Variants in LOC400499 observed in about 807,000 individuals in gnomAD.
At chr16:11,488,221 T>C in the LOC400499 span, among the ~76,000 whole-genome samples, 7 of 152,070 alleles carry the variant, frequency 4.6e-5, no homozygotes, top group Non-Finnish European at 5.9e-5. Context: ...TTTCTATTAA[T>C]GGTAGTGATA....
At chr16:11,431,955 C>G in the LOC400499 span, among the ~76,000 whole-genome samples, 1 of 152,202 alleles carries the variant, frequency 6.6e-6, no homozygotes, top group African/African-American at 2.4e-5. Context: ...GCAACTTTCA[C>G]CTTCTCACAT....
the LOC400499 span, among the ~76,000 whole-genome samples, chr16:11,426,305 G>C: frequency 6.6e-6 from 1 of 152,070 alleles, no homozygotes; most frequent in Non-Finnish European, 1.5e-5. Context: ...GTGTGGTGGC[G>C]CATGCCTGTC....
At chr16:11,440,934 C>G in the LOC400499 span, 1 of 399,126 alleles carries the variant, frequency 2.5e-6, no homozygotes. Context: ...TCTGGGGACC[C>G]ATACCTGGTA....
At chr16:11,411,271 G>C in the LOC400499 span, 1,075 of 399,328 alleles carry the variant, frequency 2.7e-3, 3 homozygotes, top group Admixed American at 2.2e-3. Flanking sequence ...GGCTGAGCTG[G>C]GGCAGAGACC....
the LOC400499 span, chr16:11,460,016 G>C: frequency 6.0e-6 from 9 of 1,488,994 alleles, no homozygotes; most frequent in East Asian, 2.5e-5. Flanking sequence ...CCAGCTGTGA[G>C]TGCAGGTGGC....
At chr16:11,526,258 C>G in the LOC400499 span, among the ~76,000 whole-genome samples, 1 of 152,010 alleles carries the variant, frequency 6.6e-6, no homozygotes, top group African/African-American at 2.4e-5. Context: ...AACAAAAAAC[C>G]AATACTCAAT....
the LOC400499 span, chr16:11,508,593 T>C: frequency 5.0e-6 from 2 of 396,090 alleles, no homozygotes; most frequent in Non-Finnish European, 8.9e-6. Context: ...TACCCACCCA[T>C]AGGTGACAGC....
the LOC400499 span, among the ~76,000 whole-genome samples, chr16:11,498,134 A>T: frequency 9.0e-4 from 137 of 152,282 alleles, no homozygotes; most frequent in African/African-American, 3.0e-3. Flanking sequence ...CCAGCTACAA[A>T]GCATCAAGAA....
At chr16:11,506,200 T>A in the LOC400499 span, among the ~76,000 whole-genome samples, 1 of 152,078 alleles carries the variant, frequency 6.6e-6, no homozygotes, top group Non-Finnish European at 1.5e-5. Flanking sequence ...AATTTTTGTA[T>A]TTTTAGTAGA....
chr16:11,455,622 C>G, the LOC400499 span, among the ~76,000 whole-genome samples: 1,495 of 151,646 alleles, frequency 9.9e-3, 21 homozygotes, highest in African/African-American at 0.034. Flanking sequence ...GTAATTCCAG[C>G]TACTTGGGAG....
the LOC400499 span, chr16:11,407,453 C>T: frequency 5.1e-6 from 2 of 395,970 alleles, no homozygotes; most frequent in Non-Finnish European, 8.9e-6. Flanking sequence ...TCCCAAAGTC[C>T]CAGGCCCAAG....
the LOC400499 span, chr16:11,399,820 A>G: frequency 2.5e-6 from 1 of 398,860 alleles, no homozygotes; most frequent in Non-Finnish European, 4.4e-6. Flanking sequence ...CTGCACCTGC[A>G]TTGGGATGGG....
the LOC400499 span, among the ~76,000 whole-genome samples, chr16:11,452,451 A>T: frequency 6.6e-6 from 1 of 152,180 alleles, no homozygotes; most frequent in Non-Finnish European, 1.5e-5. Flanking sequence ...AGAGCTGACC[A>T]CACGCGGGGT....
the LOC400499 span, among the ~76,000 whole-genome samples, chr16:11,482,099 C>T: frequency 3.3e-5 from 5 of 152,206 alleles, no homozygotes; most frequent in African/African-American, 4.8e-5. Flanking sequence ...TAACCTCCCA[C>T]GTGGAGCAGC....
the LOC400499 span, among the ~76,000 whole-genome samples, chr16:11,391,010 T>C: frequency 3.3e-5 from 5 of 152,248 alleles, no homozygotes; most frequent in Admixed American, 1.3e-4. Flanking sequence ...CTGACACTCC[T>C]GCATCCCCTC....
the LOC400499 span, among the ~76,000 whole-genome samples, chr16:11,488,529 C>G: frequency 6.6e-6 from 1 of 152,168 alleles, no homozygotes; most frequent in African/African-American, 2.4e-5. Context: ...AAGCAATCCT[C>G]CTGCCTCAGC....
chr16:11,434,999 C>A, the LOC400499 span, among the ~76,000 whole-genome samples: 1 of 152,194 alleles, frequency 6.6e-6, no homozygotes, highest in Non-Finnish European at 1.5e-5. Flanking sequence ...ATTTTAGAGT[C>A]AGGCTCATTT....
At chr16:11,392,297 C>T in the LOC400499 span, 1 of 398,920 alleles carries the variant, frequency 2.5e-6, no homozygotes, top group Non-Finnish European at 4.4e-6. Flanking sequence ...TTCCCTGTGT[C>T]CCAGCCCAGG....
the LOC400499 span, among the ~76,000 whole-genome samples, chr16:11,407,541 C>A: frequency 2.0e-5 from 3 of 152,236 alleles, no homozygotes; most frequent in Non-Finnish European, 4.4e-5. Flanking sequence ...TCAAGCGTGG[C>A]CATGGCAACT....
Sources: allele counts gnomAD v4.1 joint callset (sites outside exome capture counted in the v4.1 genomes callset), GRCh38; gene constraint gnomAD v4.1.1; transcripts MANE v1.5.